Variants in IQSEC3 observed in about 807,000 individuals in gnomAD.
IQSEC3 encodes the protein IQ motif and SEC7 domain-containing protein 3.
In IQSEC3, 50 loss-of-function variants were observed where a neutral mutation model predicts 105.4. The ratio of observed to expected loss-of-function variants is 0.47; its 90% CI spans 0.38 to 0.60. The LOEUF is 0.60. IQSEC3 is among the 20% of genes least tolerant of loss of function. The pLI, the probability that IQSEC3 is intolerant of heterozygous loss-of-function variation, is 0.00. For synonymous variants in IQSEC3, 708 were observed against 746.0 expected (o/e 0.95, Z 0.83); for missense variants, 1,415 against 1,630.0 (o/e 0.87, Z 2.27).
At chr12:163,779 C>T (rs1241258184) in intron 9 of IQSEC3, among the ~76,000 whole-genome samples, 160 bp downstream of exon 9, 1 of 152,354 alleles carries the variant, frequency 6.6e-6, no homozygotes, top group South Asian at 2.1e-4. Flanking sequence ...TGCTTTCACA[C>T]CGTGGGCGTG....
At chr12:124,593 T>A (rs1409417090) in intron 2 of IQSEC3, among the ~76,000 whole-genome samples, 1 of 152,054 alleles carries the variant, frequency 6.6e-6, no homozygotes, top group East Asian at 1.9e-4. Flanking sequence ...GTCGTAGAGC[T>A]TGAATTTGAG....
chr12:78,715 G>A (rs1241332983), intron 1 of IQSEC3, among the ~76,000 whole-genome samples: 1 of 152,102 alleles, frequency 6.6e-6, no homozygotes, highest in Non-Finnish European at 1.5e-5. Flanking sequence ...AGAGCCTCGC[G>A]TTTCCCGTTC....
chr12:155,305 T>C (rs1311753026), intron 5 of IQSEC3, among the ~76,000 whole-genome samples: 2 of 152,178 alleles, frequency 1.3e-5, no homozygotes, highest in African/African-American at 4.8e-5. Context: ...GATGCTGGCC[T>C]CCACCCCAGC....
At chr12:90,312 T>C (rs1037008539) in intron 1 of IQSEC3, among the ~76,000 whole-genome samples, 1 of 152,232 alleles carries the variant, frequency 6.6e-6, no homozygotes, top group African/African-American at 2.4e-5. Context: ...AAGAGAAAAA[T>C]TGATGTACCT....
Position 165,811 on chromosome 12 carries a change from G to A in IQSEC3, c.2892G>A (p.Ser964=), listed in dbSNP as rs782633473. The A allele has an allele frequency of 7.4e-6, 12 of 1,613,944 alleles. No individual in the cohort carries two copies. Among genetic ancestry groups the A allele is most frequent in the East Asian group, 2.2e-5 (1 of 44,904 alleles). The change falls in exon 11 of 14, where the codon TCG becomes TCA. Residue 964 remains serine (S), a synonymous_variant. Coordinates refer to ENST00000538872, the MANE Select transcript of IQSEC3 (RefSeq NM_001170738.2). ...TGCTGCATTTCTGTGCCCTGGGCTC[G>A]GACGAGATGCAGAAGTTCGTGGAGG... ...KQVLHFCALG[S]DEMQKFVEDL... is the part of the protein sequence containing the mutation.
chr12:125,848 C>T lies in IQSEC3; in HGVS notation c.839C>T (p.Ala280Val), dbSNP rs529134883. Reference protein sequence around the residue: ...PGRQQPALATALCPHAPAASD... With the variant: ...PGRQQPALATVLCPHAPAASD... Reference sequence around the variant, plus strand: ...CGGCAGCAGCCTGCCCTGGCGACGGCGCTGTGCCCCCACGCCCCTGCCGCC... The same window carrying T: ...CGGCAGCAGCCTGCCCTGGCGACGGTGCTGTGCCCCCACGCCCCTGCCGCC... Residue 280 changes from alanine to valine, a missense_variant, in exon 3 of 14, where the codon GCG becomes GTG. Around this residue, in one of 6 missense-constraint regions of IQSEC3, gnomAD observed 720 missense variants for 633.0 expected, o/e 1.14. Transcript: ENST00000538872. The T allele has an allele frequency of 4.8e-4, 738 of 1,533,182 alleles. 1 individual carries two copies. Among genetic ancestry groups the T allele is most frequent in the Non-Finnish European group, 5.4e-4 (623 of 1,146,192 alleles). The allele number at this position is 1,533,182 out of a possible 1,614,324, so 95.0% of individuals were successfully genotyped here.
intron 2 of IQSEC3, among the ~76,000 whole-genome samples, chr12:105,222 C>T (rs2136930395): frequency 6.6e-6 from 1 of 152,372 alleles, no homozygotes; most frequent in African/African-American, 2.4e-5. Flanking sequence ...TCTTTGTCTC[C>T]TTCATGGTTC....
chr12:153,164 A>G (rs1866564497), intron 5 of IQSEC3, among the ~76,000 whole-genome samples: 1 of 152,044 alleles, frequency 6.6e-6, no homozygotes, highest in South Asian at 2.1e-4. Context: ...CTCATGCTGT[A>G]GAGGGCCGAG....
At chr12:126,884 C>G (rs1865432973) in intron 3 of IQSEC3, among the ~76,000 whole-genome samples, 1 of 152,212 alleles carries the variant, frequency 6.6e-6, no homozygotes, top group African/African-American at 2.4e-5. Flanking sequence ...CCAAACTAAC[C>G]TCCTTCCTCT....
intron 5 of IQSEC3, among the ~76,000 whole-genome samples, chr12:150,401 A>AG (rs1386293115): frequency 2.0e-5 from 3 of 152,352 alleles, no homozygotes; most frequent in Admixed American, 1.3e-4. Flanking sequence ...TTAGCTAGCT[A>AG]GAGCCACTGG....
intron 5 of IQSEC3, 169 bp downstream of exon 5, chr12:141,454 CG>C (rs2137006393): frequency 1.5e-6 from 1 of 663,770 alleles, no homozygotes; most frequent in East Asian, 2.8e-5. Flanking sequence ...CCCAGTGGGC[CG>C]GAGCCCTGTC....
At chr12:174,557 G>A (rs757569332) in intron 13 of IQSEC3, 42 bp from the exon 14 acceptor site, 1 of 1,494,492 alleles carries the variant, frequency 6.7e-7, no homozygotes, top group Non-Finnish European at 8.9e-7. Flanking sequence ...CTGGGAATTA[G>A]TCTTGTAACA....
intron 12 of IQSEC3, among the ~76,000 whole-genome samples, chr12:170,177 A>G (rs1555099830): frequency 2.0e-5 from 3 of 152,182 alleles, no homozygotes; most frequent in African/African-American, 7.2e-5. Flanking sequence ...TGCGTCCGTA[A>G]TTCTCCACGC....
intron 2 of IQSEC3, among the ~76,000 whole-genome samples, chr12:118,284 C>T (rs1180484586): frequency 6.6e-6 from 1 of 152,134 alleles, no homozygotes; most frequent in African/African-American, 2.4e-5. Flanking sequence ...CTTCTGTTCA[C>T]CTCCACCCCC....
intron 2 of IQSEC3, among the ~76,000 whole-genome samples, chr12:117,512 T>C (rs1555080923): frequency 6.6e-6 from 1 of 152,200 alleles, no homozygotes; most frequent in African/African-American, 2.4e-5. Flanking sequence ...TGGGATGGGC[T>C]GAGCAGGGGA....
At chr12:132,296 G>A (rs925289466) in intron 3 of IQSEC3, among the ~76,000 whole-genome samples, 1 of 152,194 alleles carries the variant, frequency 6.6e-6, no homozygotes, top group South Asian at 2.1e-4. Context: ...AGAGCAGGCA[G>A]GAGCTGCTGA....
At chr12:107,651 C>A (rs912302665) in intron 2 of IQSEC3, among the ~76,000 whole-genome samples, 15 of 151,968 alleles carry the variant, frequency 9.9e-5, no homozygotes, top group Admixed American at 3.3e-4. Flanking sequence ...ACCTCGTGAT[C>A]CGCCCACCTC....
At chr12:75,054 T>G (rs1181808054) in intron 1 of IQSEC3, among the ~76,000 whole-genome samples, 3 of 152,288 alleles carry the variant, frequency 2.0e-5, no homozygotes, top group Non-Finnish European at 2.9e-5. Flanking sequence ...TGTTAATAAT[T>G]CCACAGTCAG....
Position 143,826 on chromosome 12 carries a change from CGTGTGTGT to C in IQSEC3, c.2153+2575_2153+2582del, listed in dbSNP as rs111698246. 108 of 147,526 alleles carry C rather than the reference CGTGTGTGT, an allele frequency of 7.3e-4. 1 individual carries two copies. Among genetic ancestry groups the C allele is most frequent in the Middle Eastern group, 3.3e-3 (1 of 300 alleles). 9.1% of individuals were successfully genotyped at this position (147,526 alleles called of 1,614,324 possible). A position where few individuals can be genotyped will look rare whatever the true frequency, so the allele number is the denominator to read the frequency against. On this transcript the variant is annotated intron_variant, in intron 5 of 13. Coordinates refer to ENST00000538872, the MANE Select transcript of IQSEC3 (RefSeq NM_001170738.2). ...TGAGAATGGGGCCACGCTGGGCACC[CGTGTGTGT>C]GTGTGTGTGTGTGTGTGTGTGTGTG...
Sources: allele counts gnomAD v4.1 joint callset (sites outside exome capture counted in the v4.1 genomes callset), GRCh38; gene constraint gnomAD v4.1.1; regional missense constraint gnomAD v4.1.1; transcripts MANE v1.5; gene names NCBI Gene and HGNC (gene_info 2026-07-23, HGNC 2026-07-21).